Variants in OPHN1 observed in about 807,000 individuals in gnomAD.
OPHN1 encodes oligophrenin 1.
OPHN1 carries 11 observed loss-of-function variants against 60.7 expected under a neutral mutation model. The ratio of observed to expected loss-of-function variants is 0.18; its 90% CI spans 0.11 to 0.30. OPHN1 has a LOEUF of 0.30. Ranked by LOEUF, OPHN1 falls within the 10% of genes least tolerant of loss-of-function variation. OPHN1 has a pLI of 1.00. For synonymous variants in OPHN1, 226 were observed against 222.6 expected (o/e 1.02, Z -0.14); for missense variants, 449 against 611.0 (o/e 0.73, Z 2.80).
intron 2 of OPHN1, among the ~76,000 whole-genome samples, chrX:68,319,953 G>A (rs771140476): frequency 1.5e-4 from 16 of 109,644 alleles, no homozygotes; most frequent in Non-Finnish European, 2.1e-4. Context: ...AACAGAAAAC[G>A]GGCAACAGAT....
chrX:68,238,621 C>A (rs1161604207), intron 5 of OPHN1, among the ~76,000 whole-genome samples: 3 of 111,522 alleles, frequency 2.7e-5, no homozygotes, highest in African/African-American at 9.8e-5. Flanking sequence ...TTGTGTATTT[C>A]TTTTGAAAAT....
chrX:68,350,817 A>G (rs1445402649), intron 2 of OPHN1, among the ~76,000 whole-genome samples: 2 of 110,941 alleles, frequency 1.8e-5, no homozygotes, highest in Admixed American at 9.7e-5. Context: ...ACCAGGTCAA[A>G]AAAAGCCTTT....
At chrX:68,054,940 CAACTATAA>C (rs1452605603) in intron 21 of OPHN1, among the ~76,000 whole-genome samples, 3 of 111,890 alleles carry the variant, frequency 2.7e-5, no homozygotes, top group African/African-American at 9.7e-5. Flanking sequence ...TCTACATATA[CAACTATAA>C]AATTTAATTT....
chrX:68,365,224 T>G (rs1467974778), intron 2 of OPHN1, among the ~76,000 whole-genome samples: 2 of 110,765 alleles, frequency 1.8e-5, no homozygotes, highest in Non-Finnish European at 3.8e-5. Flanking sequence ...CAACAAGGCC[T>G]TACAAAAGAA....
intron 6 of OPHN1, among the ~76,000 whole-genome samples, chrX:68,224,908 C>T (rs1316661312): frequency 8.9e-6 from 1 of 111,985 alleles, no homozygotes; most frequent in Non-Finnish European, 1.9e-5. Context: ...GAGTGTCAGC[C>T]GAAGCAGGGC....
intron 15 of OPHN1, among the ~76,000 whole-genome samples, chrX:68,164,686 T>C (rs1176655447): frequency 8.9e-6 from 1 of 112,058 alleles, no homozygotes; most frequent in Non-Finnish European, 1.9e-5. Context: ...TAACTTTACA[T>C]CACAAGTTGC....
At chrX:68,301,394 C>T (rs1417113804) in intron 2 of OPHN1, among the ~76,000 whole-genome samples, 1 of 98,568 alleles carries the variant, frequency 1.0e-5, no homozygotes, top group Non-Finnish European at 2.0e-5. Flanking sequence ...TGCAGCGAGC[C>T]GAGATCATGC....
chrX:68,048,960 C>T (rs2076841477), intron 23 of OPHN1, among the ~76,000 whole-genome samples: 1 of 111,588 alleles, frequency 9.0e-6, no homozygotes, highest in Non-Finnish European at 1.9e-5. Context: ...CAGAGCATTA[C>T]GTACAACAGC....
At chrX:68,102,069 G>A (rs1302603656) in intron 18 of OPHN1, 3 of 112,123 alleles carry the variant, frequency 2.7e-5, no homozygotes, top group Non-Finnish European at 3.8e-5. Flanking sequence ...AAAAGGCACT[G>A]GGCAGGGGCC....
chrX:68,368,106 G>T (rs777711741), intron 2 of OPHN1, among the ~76,000 whole-genome samples: 1 of 111,797 alleles, frequency 8.9e-6, no homozygotes, highest in Non-Finnish European at 1.9e-5. Context: ...AACACTGCAC[G>T]CTGACCTAAT....
In OPHN1 at chrX:68,369,474, A is replaced by C. The variant is rs766964833; in HGVS notation, c.154+63393T>G. Among the ~76,000 whole-genome samples, 10 of 111,780 alleles carry C rather than the reference A, an allele frequency of 8.9e-5. No individual in the cohort carries two copies. In the Admixed American group the frequency reaches 9.6e-4, roughly 11 times the overall value. On this transcript the variant is annotated intron_variant, in intron 2 of 24. Coordinates refer to ENST00000355520, the MANE Select transcript of OPHN1 (RefSeq NM_002547.3). ...GACAAACAAAGAAACAGGAAAGTAC[A>C]GCCTACTCAAAGAACAAAATAAACT...
chrX:68,150,941 GTC>G (rs751837418), intron 15 of OPHN1, among the ~76,000 whole-genome samples: 1 of 111,667 alleles, frequency 9.0e-6, no homozygotes, highest in Admixed American at 9.5e-5. Flanking sequence ...AAATATACAT[GTC>G]TCTCTATCTC....
chrX:68,329,538 T>A (rs762884952), intron 2 of OPHN1, among the ~76,000 whole-genome samples: 3 of 112,453 alleles, frequency 2.7e-5, no homozygotes, highest in Non-Finnish European at 5.6e-5. Flanking sequence ...TTCTTCCTTT[T>A]CTTAGAGCAT....
intron 18 of OPHN1, among the ~76,000 whole-genome samples, chrX:68,110,271 A>G (rs2077098657): frequency 8.9e-6 from 1 of 111,937 alleles, no homozygotes; most frequent in Admixed American, 9.5e-5. Flanking sequence ...CATACTTAAG[A>G]GTATTTGCCA....
At chrX:68,150,831 T>C (rs2077282528) in intron 15 of OPHN1, among the ~76,000 whole-genome samples, 1 of 112,059 alleles carries the variant, frequency 8.9e-6, no homozygotes, top group African/African-American at 3.2e-5. Context: ...TTGTCAGTAA[T>C]AGAATTTTGT....
intron 2 of OPHN1, among the ~76,000 whole-genome samples, chrX:68,328,613 T>G (rs1383928923): frequency 1.8e-5 from 2 of 111,972 alleles, no homozygotes; most frequent in East Asian, 5.6e-4. Context: ...ATTAACAGTA[T>G]AGTTGACTTT....
chrX:68,246,068 G>A (rs1401616654), intron 5 of OPHN1, among the ~76,000 whole-genome samples: 1 of 111,589 alleles, frequency 9.0e-6, no homozygotes, highest in Non-Finnish European at 1.9e-5. Flanking sequence ...GCCTCTCAAA[G>A]TACGGGAATT....
chrX:68,215,252 CA>C (rs1043545709), intron 6 of OPHN1, among the ~76,000 whole-genome samples: 1 of 108,349 alleles, frequency 9.2e-6, no homozygotes, highest in African/African-American at 3.3e-5. Flanking sequence ...AAATACATGT[CA>C]AAAAAAATGT....
chrX:68,074,102 T>C, intron 19 of OPHN1, among the ~76,000 whole-genome samples: 1 of 111,732 alleles, frequency 8.9e-6, no homozygotes, highest in South Asian at 3.8e-4. Flanking sequence ...TATGGGATGA[T>C]ACACATATGT....
Sources: gnomAD v4.1 joint callset for allele counts (sites outside exome capture counted in the v4.1 genomes callset) on GRCh38, gnomAD v4.1.1 for gene constraint, MANE v1.5 for transcripts, NCBI Gene and HGNC (gene_info 2026-07-23, HGNC 2026-07-21) for gene names.